Variants in PCNX1 observed in about 807,000 individuals in gnomAD.
PCNX1 encodes the protein pecanex-like protein 1.
A neutral mutation model predicts 242.2 loss-of-function variants in PCNX1; 78 were observed. That is an observed-to-expected ratio of 0.32 (90% CI 0.27 to 0.39). PCNX1 has a LOEUF of 0.39. Ranked by LOEUF, PCNX1 falls within the 10% of genes least tolerant of loss-of-function variation. The pLI is 1.00. For synonymous variants in PCNX1, 1,024 were observed against 1,032.9 expected (o/e 0.99, Z 0.17); for missense variants, 2,581 against 2,856.5 (o/e 0.90, Z 2.20).
intron 28 of PCNX1, among the ~76,000 whole-genome samples, chr14:71,082,262 AGT>A (rs2061873730): frequency 6.6e-6 from 1 of 152,102 alleles, no homozygotes; most frequent in African/African-American, 2.4e-5. Context: ...TTTGCTGAGG[AGT>A]GTTTTACTTC....
At chr14:70,920,252 T>C (rs1359295054) in intron 1 of PCNX1, among the ~76,000 whole-genome samples, 1 of 152,192 alleles carries the variant, frequency 6.6e-6, no homozygotes, top group Non-Finnish European at 1.5e-5. Context: ...AAATTAGAAA[T>C]TAACATTAGT....
intron 7 of PCNX1, 98 bp downstream of exon 7, chr14:70,988,797 T>C (rs76621857): frequency 0.012 from 16,453 of 1,390,654 alleles, 136 homozygotes; most frequent in East Asian, 0.013. Context: ...GCTTTGTTTT[T>C]CTTTTCCTTT....
chr14:70,998,059 A>G lies in PCNX1; in HGVS notation c.2629+2134A>G, dbSNP rs185610868. 2.3e-3 allele frequency among the ~76,000 whole-genome samples: 343 copies of G among 152,356 alleles called. 2 individuals carry two copies. The highest frequency in any genetic ancestry group is 7.9e-3 in the African/African-American group (330 of 41,582). On this transcript the variant is annotated intron_variant, in intron 8 of 35. Transcript: ENST00000304743. ...TATGCATAATTTGTTTATATAAAGC[A>G]TACATACACACATACATGTTTGAGT...
intron 1 of PCNX1, among the ~76,000 whole-genome samples, chr14:70,909,391 C>T (rs1417207837): frequency 6.6e-6 from 1 of 152,050 alleles, no homozygotes; most frequent in Non-Finnish European, 1.5e-5. Flanking sequence ...TAATTTTGGC[C>T]TAGGGAGTTC....
At chr14:71,067,522 T>A (rs116843423) in intron 26 of PCNX1, among the ~76,000 whole-genome samples, 1 of 151,992 alleles carries the variant, frequency 6.6e-6, no homozygotes, top group Admixed American at 6.6e-5. Context: ...TGTCTGACTA[T>A]TGTTCTATTT....
At chr14:70,935,915 G>C (rs926883011) in intron 1 of PCNX1, among the ~76,000 whole-genome samples, 1 of 152,056 alleles carries the variant, frequency 6.6e-6, no homozygotes, top group Non-Finnish European at 1.5e-5. Flanking sequence ...AGGAATTCTG[G>C]TTTTTATGAC....
chr14:71,088,193 T>C, intron 28 of PCNX1, 137 bp from the exon 29 acceptor site: 1 of 466,528 alleles, frequency 2.1e-6, no homozygotes, highest in Admixed American at 3.2e-5. Flanking sequence ...TTCATACAGT[T>C]TTATTAAGTT....
At chr14:70,985,373 C>T (rs1035185302) in intron 6 of PCNX1, among the ~76,000 whole-genome samples, 1 of 152,102 alleles carries the variant, frequency 6.6e-6, no homozygotes, top group African/African-American at 2.4e-5. Flanking sequence ...TGCCACCACA[C>T]CCGCTAATTT....
At chr14:71,076,095 T>G (rs2061711602) in intron 27 of PCNX1, 94 bp from the exon 28 acceptor site, 2 of 747,624 alleles carry the variant, frequency 2.7e-6, no homozygotes, top group Middle Eastern at 2.6e-4. Flanking sequence ...TATTTATCAT[T>G]ATAAATAATT....
At chr14:71,051,168 CAAAAAAAAAAAAAAAA>C (rs758181078) in intron 23 of PCNX1, among the ~76,000 whole-genome samples, 1 of 41,760 alleles carries the variant, frequency 2.4e-5, no homozygotes, top group Admixed American at 3.7e-4. Flanking sequence ...AACTCTGTCT[CAAAAAAAAAAAAAAAA>C]AAAAAAAAAA....
At chr14:70,933,492 G>T (rs1249992418) in intron 1 of PCNX1, among the ~76,000 whole-genome samples, 2 of 152,154 alleles carry the variant, frequency 1.3e-5, no homozygotes, top group Non-Finnish European at 2.9e-5. Context: ...ATTTGGATTT[G>T]TGTCTATAAA....
chr14:71,009,446 C>T (rs1351309267), intron 8 of PCNX1, among the ~76,000 whole-genome samples, 188 bp from the exon 9 acceptor site: 1 of 152,196 alleles, frequency 6.6e-6, no homozygotes, highest in East Asian at 1.9e-4. Flanking sequence ...ATGTTTTACC[C>T]TACTGTCCAA....
At chr14:70,947,423 A>G (rs562124044) in intron 2 of PCNX1, among the ~76,000 whole-genome samples, 15 of 152,356 alleles carry the variant, frequency 9.8e-5, no homozygotes, top group African/African-American at 3.6e-4. Flanking sequence ...GCAGAAGAAC[A>G]TAAACTGTGA....
At chr14:70,995,615 G>A (rs1347583339) in intron 7 of PCNX1, 126 bp from the exon 8 acceptor site, 3 of 709,842 alleles carry the variant, frequency 4.2e-6, no homozygotes, top group Non-Finnish European at 6.9e-6. Context: ...AAGTTTGTTG[G>A]CGCTTTCTTA....
intron 28 of PCNX1, among the ~76,000 whole-genome samples, chr14:71,080,076 A>G (rs2061815346): frequency 6.6e-6 from 1 of 152,168 alleles, no homozygotes; most frequent in Non-Finnish European, 1.5e-5. Context: ...GTCCAGTTTC[A>G]GTTTTCTGCA....
At chr14:71,069,728 G>A (rs537987270) in intron 26 of PCNX1, among the ~76,000 whole-genome samples, 31 of 152,310 alleles carry the variant, frequency 2.0e-4, no homozygotes, top group Middle Eastern at 6.8e-3. Flanking sequence ...TAAATGCTAA[G>A]GATGATCTGA....
chr14:70,938,831 T>G (rs1469609314), intron 1 of PCNX1, among the ~76,000 whole-genome samples: 1 of 152,226 alleles, frequency 6.6e-6, no homozygotes, highest in Non-Finnish European at 1.5e-5. Flanking sequence ...TATTCAGGGA[T>G]TCAACTTCTT....
chr14:70,969,246 T>A, intron 5 of PCNX1, 136 bp downstream of exon 5: 2 of 643,504 alleles, frequency 3.1e-6, no homozygotes, highest in Non-Finnish European at 5.6e-6. Flanking sequence ...CATAAAATGT[T>A]ATGGTGATAG....
Position 71,085,921 on chromosome 14 carries a change from C to G in PCNX1, c.5338-2409C>G, listed in dbSNP as rs571458701. 3 of 165,814 alleles carry G rather than the reference C, an allele frequency of 1.8e-5. No individual in the cohort carries two copies. In the East Asian group the frequency reaches 4.9e-4, roughly 27 times the overall value. 10.3% of individuals were successfully genotyped at this position (165,814 alleles called of 1,614,324 possible). On this transcript the variant is annotated intron_variant, in intron 28 of 35. Transcript: ENST00000304743. ...TAAAAATAGTTTTTTCTGTTTTCCTCTACGCCTTTTGCAGGAACTCCAATT... is the reference window on the plus strand; with the variant it reads ...TAAAAATAGTTTTTTCTGTTTTCCTGTACGCCTTTTGCAGGAACTCCAATT...
Sources: gnomAD v4.1 joint callset for allele counts (sites outside exome capture counted in the v4.1 genomes callset) on GRCh38, gnomAD v4.1.1 for gene constraint, MANE v1.5 for transcripts, NCBI Gene and HGNC (gene_info 2026-07-23, HGNC 2026-07-21) for gene names.